MDGA2: variants seen among roughly 807,000 people sequenced by gnomAD.
MDGA2 encodes MAM domain-containing glycosylphosphatidylinositol anchor protein 2.
A neutral mutation model predicts 117.8 loss-of-function variants in MDGA2; 40 were observed. That is an observed-to-expected ratio of 0.34 (90% CI 0.26 to 0.44). The LOEUF is 0.44. Among genes scored for constraint, MDGA2 ranks in the 20% least tolerant of loss-of-function variants. The pLI is 1.00. For missense variants in MDGA2, 1,123 were observed against 1,250.6 expected (o/e 0.90, Z 1.54); for synonymous variants, 452 against 439.0 (o/e 1.03, Z -0.37).
chr14:47,499,742 C>T (rs1360626816), intron 1 of MDGA2, among the ~76,000 whole-genome samples: 1 of 152,036 alleles, frequency 6.6e-6, no homozygotes, highest in Non-Finnish European at 1.5e-5. Flanking sequence ...TACTAAATCA[C>T]GACATCCAGG....
intron 3 of MDGA2, among the ~76,000 whole-genome samples, chr14:47,204,154 G>A (rs576046000): frequency 7.9e-4 from 120 of 152,020 alleles, no homozygotes; most frequent in Non-Finnish European, 7.2e-4. Flanking sequence ...ATTCCACTTT[G>A]TTTTATCCAG....
chr14:47,134,229 G>C (rs1594656316), intron 4 of MDGA2, among the ~76,000 whole-genome samples: 2 of 151,894 alleles, frequency 1.3e-5, no homozygotes, highest in East Asian at 3.9e-4. Context: ...ATTATATTCT[G>C]GGCACGTGAC....
chr14:47,165,402 G>C (rs1184418917), intron 3 of MDGA2, among the ~76,000 whole-genome samples: 6 of 152,140 alleles, frequency 3.9e-5, no homozygotes, highest in African/African-American at 1.4e-4. Flanking sequence ...AAGTTTGAGG[G>C]GGAAAGAGTG....
At chr14:46,940,624 T>TGAAA (rs1259200052) in intron 9 of MDGA2, among the ~76,000 whole-genome samples, 1 of 52,758 alleles carries the variant, frequency 1.9e-5, no homozygotes, top group Non-Finnish European at 4.1e-5. Context: ...CGAGACTGTC[T>TGAAA]CAAAAAAAAA....
intron 1 of MDGA2, among the ~76,000 whole-genome samples, chr14:47,520,161 T>C (rs564501596): frequency 3.9e-5 from 6 of 152,340 alleles, no homozygotes; most frequent in East Asian, 1.9e-4. Flanking sequence ...TCAAATCACC[T>C]ACTTCACTTA....
intron 8 of MDGA2, among the ~76,000 whole-genome samples, chr14:46,994,295 C>A (rs1458718541): frequency 6.6e-6 from 1 of 152,040 alleles, no homozygotes; most frequent in Non-Finnish European, 1.5e-5. Context: ...TGTATTCTTC[C>A]CTACAATAAT....
intron 2 of MDGA2, among the ~76,000 whole-genome samples, chr14:47,224,779 A>T (rs1025309018): frequency 6.6e-6 from 1 of 152,218 alleles, no homozygotes; most frequent in Non-Finnish European, 1.5e-5. Flanking sequence ...AAGAATATTA[A>T]GAACTATCAA....
intron 1 of MDGA2, among the ~76,000 whole-genome samples, chr14:47,366,493 T>C (rs1361847626): frequency 6.6e-6 from 1 of 151,996 alleles, no homozygotes. Context: ...AGAGCCAAAA[T>C]AAAAGCCAAA....
At chr14:47,562,030 T>C (rs781047685) in intron 1 of MDGA2, among the ~76,000 whole-genome samples, 1 of 152,228 alleles carries the variant, frequency 6.6e-6, no homozygotes, top group Non-Finnish European at 1.5e-5. Context: ...AAATCCCATT[T>C]ACTGATTTGC....
intron 9 of MDGA2, among the ~76,000 whole-genome samples, chr14:46,927,908 G>A (rs1429016387): frequency 6.6e-6 from 1 of 152,084 alleles, no homozygotes; most frequent in Non-Finnish European, 1.5e-5. Flanking sequence ...GCACTCAAGA[G>A]CTTCCTAAGA....
chr14:46,951,169 G>T (rs1019706232), intron 9 of MDGA2, among the ~76,000 whole-genome samples: 4 of 151,928 alleles, frequency 2.6e-5, no homozygotes, highest in Non-Finnish European at 4.4e-5. Context: ...GCAGTTACAG[G>T]CAAAATTTTG....
intron 9 of MDGA2, among the ~76,000 whole-genome samples, chr14:46,933,546 T>C (rs1425553603): frequency 6.6e-6 from 1 of 151,372 alleles, no homozygotes; most frequent in Non-Finnish European, 1.5e-5. Flanking sequence ...TACACTTCCC[T>C]TGCCACCCCA....
chr14:47,597,785 A>C (rs1896571159), intron 1 of MDGA2, among the ~76,000 whole-genome samples: 1 of 151,764 alleles, frequency 6.6e-6, no homozygotes, highest in Non-Finnish European at 1.5e-5. Context: ...TTTATTTTAG[A>C]GAGAGTTAAA....
At chr14:46,923,827 G>T (rs1168822762) in intron 9 of MDGA2, among the ~76,000 whole-genome samples, 1 of 151,938 alleles carries the variant, frequency 6.6e-6, no homozygotes, top group Non-Finnish European at 1.5e-5. Flanking sequence ...TAAAACCAAA[G>T]AAATATCCTT....
chr14:47,490,704 G>A (rs1405916220), intron 1 of MDGA2, among the ~76,000 whole-genome samples: 1 of 152,030 alleles, frequency 6.6e-6, no homozygotes, highest in African/African-American at 2.4e-5. Context: ...ATTTACAAAG[G>A]AAGAAACTTT....
chr14:47,290,269 T>C (rs1457471143), intron 2 of MDGA2, among the ~76,000 whole-genome samples: 1 of 151,972 alleles, frequency 6.6e-6, no homozygotes. Flanking sequence ...ATGGGATTAG[T>C]ACCCTTAAAA....
At chr14:47,125,544 T>C (rs968615727) in intron 5 of MDGA2, among the ~76,000 whole-genome samples, 1 of 151,288 alleles carries the variant, frequency 6.6e-6, no homozygotes, top group Non-Finnish European at 1.5e-5. Context: ...TCTATCTTTT[T>C]CCATGAAAAT....
chr14:47,421,081 T>A (rs1892568620), intron 1 of MDGA2, among the ~76,000 whole-genome samples: 1 of 152,132 alleles, frequency 6.6e-6, no homozygotes, highest in African/African-American at 2.4e-5. Context: ...ACACATATTA[T>A]GTCAAAATGT....
intron 1 of MDGA2, among the ~76,000 whole-genome samples, chr14:47,519,289 A>G (rs1171947405): frequency 6.6e-6 from 1 of 152,184 alleles, no homozygotes. Context: ...AATCTATTTT[A>G]TATTTCATGC....
Sources: gnomAD v4.1 joint callset for allele counts (sites outside exome capture counted in the v4.1 genomes callset) on GRCh38, gnomAD v4.1.1 for gene constraint, MANE v1.5 for transcripts, NCBI Gene and HGNC (gene_info 2026-07-23, HGNC 2026-07-21) for gene names.